PTPRK: variants seen among roughly 807,000 people sequenced by gnomAD.
The protein encoded by PTPRK is receptor-type tyrosine-protein phosphatase kappa.
PTPRK carries 75 observed loss-of-function variants against 178.0 expected under a neutral mutation model. That is an observed-to-expected ratio of 0.42 (90% confidence interval 0.35 to 0.51). The LOEUF (loss-of-function observed/expected upper bound fraction) is 0.51. Among genes scored for constraint, PTPRK ranks in the 20% least tolerant of loss-of-function variants. PTPRK has a pLI of 0.02. For synonymous variants in PTPRK, 637 were observed against 620.6 expected (o/e 1.03, Z -0.39); for missense variants, 1,441 against 1,797.8 (o/e 0.80, Z 3.59).
In PTPRK at chr6:128,396,201, ACT is replaced by A. The variant is rs765344418; in HGVS notation, c.223+1363_223+1364del. Among the ~76,000 whole-genome samples, 9 of 151,350 alleles carry A rather than the reference ACT, an allele frequency of 5.9e-5. No individual in the cohort carries two copies. In the South Asian group the frequency reaches 1.2e-3, roughly 21 times the overall value. ...TAAAATTCACACTCAAGAAGGACTT[ACT>A]CTTTTTGTAGAAAAATTAATTCTAA... On this transcript the variant is annotated intron_variant, in intron 2 of 29. Transcript: ENST00000368226.
chr6:128,239,825 TATTA>T (rs1016812507), intron 5 of PTPRK, among the ~76,000 whole-genome samples: 26 of 152,336 alleles, frequency 1.7e-4, no homozygotes, highest in African/African-American at 4.1e-4. Flanking sequence ...CAAAAATACT[TATTA>T]ATTATTTGCT....
rs140916344 is a variant in PTPRK, at chr6:128,271,351, G to A, written c.496-28749C>T. On this transcript the variant is annotated intron_variant, in intron 3 of 29. Transcript: ENST00000368226. ...CTCTGACAGGGATGGAGAGGGGACC[G>A]GCCTGGTGTCCACTGTAGACATGGT... 3.1e-3 allele frequency among the ~76,000 whole-genome samples: 472 copies of A among 152,222 alleles called. 2 individuals carry two copies. The highest frequency in any genetic ancestry group is 0.01 in the African/African-American group (419 of 41,552).
chr6:128,446,018 T>C (rs1846972359), intron 1 of PTPRK, among the ~76,000 whole-genome samples: 1 of 152,054 alleles, frequency 6.6e-6, no homozygotes, highest in Non-Finnish European at 1.5e-5. Flanking sequence ...AAAGGCATGT[T>C]AACTGCAGAA....
At chr6:128,358,862 T>C (rs976869636) in intron 2 of PTPRK, among the ~76,000 whole-genome samples, 1 of 152,206 alleles carries the variant, frequency 6.6e-6, no homozygotes, top group African/African-American at 2.4e-5. Flanking sequence ...AAAGCAGCAA[T>C]ATATTTCAGT....
At chr6:128,189,567 A>G (rs1803402064) in intron 6 of PTPRK, among the ~76,000 whole-genome samples, 1 of 152,058 alleles carries the variant, frequency 6.6e-6, no homozygotes, top group South Asian at 2.1e-4. Flanking sequence ...ATTTTTTGTA[A>G]AAGGGAAAAA....
chr6:128,377,340 G>A (rs1393042756), intron 2 of PTPRK, among the ~76,000 whole-genome samples: 5 of 152,076 alleles, frequency 3.3e-5, no homozygotes, highest in African/African-American at 1.2e-4. Flanking sequence ...AACTTATGCA[G>A]GGAAACTCTC....
At chr6:128,373,386 A>G (rs1423010591) in intron 2 of PTPRK, among the ~76,000 whole-genome samples, 2 of 152,136 alleles carry the variant, frequency 1.3e-5, no homozygotes, top group Non-Finnish European at 2.9e-5. Context: ...CCTCACACAC[A>G]ATGCCTTGGC....
intron 7 of PTPRK, among the ~76,000 whole-genome samples, chr6:128,114,622 CAA>C (rs370997908): frequency 4.2e-4 from 25 of 59,004 alleles, no homozygotes; most frequent in Non-Finnish European, 5.0e-4. Flanking sequence ...GACTCAGTCT[CAA>C]AAAAAAAAAA....
intron 5 of PTPRK, among the ~76,000 whole-genome samples, chr6:128,225,045 T>C (rs971821365): frequency 6.6e-6 from 1 of 152,188 alleles, no homozygotes; most frequent in African/African-American, 2.4e-5. Flanking sequence ...ATGGTATAAT[T>C]AAAATATGTT....
intron 1 of PTPRK, among the ~76,000 whole-genome samples, chr6:128,499,395 T>C (rs1855220029): frequency 6.6e-6 from 1 of 152,258 alleles, no homozygotes; most frequent in Admixed American, 6.5e-5. Context: ...TACATATGTG[T>C]AGCTCAATTT....
intron 2 of PTPRK, among the ~76,000 whole-genome samples, chr6:128,365,143 G>A (rs1292504581): frequency 6.6e-6 from 1 of 152,076 alleles, no homozygotes; most frequent in African/African-American, 2.4e-5. Flanking sequence ...GAAGTCTGTA[G>A]TGTCCTACAG....
At chr6:128,450,962 CACTGA>C (rs1294496489) in intron 1 of PTPRK, among the ~76,000 whole-genome samples, 1 of 152,068 alleles carries the variant, frequency 6.6e-6, no homozygotes, top group Non-Finnish European at 1.5e-5. Context: ...TTGACTGATT[CACTGA>C]AGACAAACTC....
intron 1 of PTPRK, among the ~76,000 whole-genome samples, chr6:128,424,321 C>T (rs759259439): frequency 2.6e-5 from 4 of 152,080 alleles, no homozygotes; most frequent in East Asian, 1.9e-4. Flanking sequence ...ATAGTGGCTG[C>T]GGAAAAGTCA....
intron 13 of PTPRK, among the ~76,000 whole-genome samples, chr6:128,022,997 C>T (rs1204612642): frequency 6.6e-6 from 1 of 152,192 alleles, no homozygotes; most frequent in African/African-American, 2.4e-5. Flanking sequence ...TAAAAACTTA[C>T]ATTACAAAAT....
chr6:128,486,782 A>AAGAAAGAC (rs763554309), intron 1 of PTPRK, among the ~76,000 whole-genome samples: 1 of 151,978 alleles, frequency 6.6e-6, no homozygotes, highest in Admixed American at 6.5e-5. Flanking sequence ...TGTAGAAAGA[A>AAGAAAGAC]AGAAAGACAG....
At chr6:128,179,058 G>A (rs1278588841) in intron 7 of PTPRK, among the ~76,000 whole-genome samples, 3 of 151,926 alleles carry the variant, frequency 2.0e-5, no homozygotes, top group African/African-American at 7.3e-5. Context: ...CCTAGAGTTA[G>A]CCAGTGATCC....
chr6:128,282,958 A>T (rs2128303309), intron 3 of PTPRK, among the ~76,000 whole-genome samples: 1 of 152,334 alleles, frequency 6.6e-6, no homozygotes, highest in East Asian at 1.9e-4. Context: ...GGGCAGAATA[A>T]GTATAAAAAA....
chr6:128,401,444 T>A (rs529615030), intron 1 of PTPRK, among the ~76,000 whole-genome samples: 119 of 152,302 alleles, frequency 7.8e-4, no homozygotes, highest in African/African-American at 2.8e-3. Context: ...ACCAGAGACA[T>A]TTTCTGTAGA....
At chr6:128,354,117 A>T (rs377629805) in intron 2 of PTPRK, among the ~76,000 whole-genome samples, 1 of 151,776 alleles carries the variant, frequency 6.6e-6, no homozygotes, top group East Asian at 1.9e-4. Context: ...GGTTAAATAT[A>T]CCGTAAGGAA....
Sources: allele counts gnomAD v4.1 joint callset (sites outside exome capture counted in the v4.1 genomes callset), GRCh38; gene constraint gnomAD v4.1.1; transcripts MANE v1.5; gene names NCBI Gene and HGNC (gene_info 2026-07-23, HGNC 2026-07-21).